Variants in UQCC1 observed in about 807,000 individuals in gnomAD.
The protein encoded by UQCC1 is ubiquinol-cytochrome c reductase complex assembly factor 1.
UQCC1 carries 38 observed loss-of-function variants against 48.0 expected under a neutral mutation model. The observed-to-expected ratio is 0.79, with a 90% CI of 0.61 to 1.04. The LOEUF (loss-of-function observed/expected upper bound fraction) is 1.04, where lower values mean the gene tolerates loss of function less well. Ranked by LOEUF, UQCC1 falls within the 50% of genes least tolerant of loss-of-function variation. The pLI, the probability that UQCC1 is intolerant of heterozygous loss-of-function variation, is 0.00. For synonymous variants in UQCC1, 111 were observed against 129.2 expected (o/e 0.86, Z 0.95); for missense variants, 368 against 381.8 (o/e 0.96, Z 0.30).
chr20:35,337,516 C>A (rs537288040), intron 7 of UQCC1, among the ~76,000 whole-genome samples: 1 of 152,102 alleles, frequency 6.6e-6, no homozygotes, highest in South Asian at 2.1e-4. Context: ...AGTTCCCAAG[C>A]GATGCTGAGG....
At chr20:35,330,774 G>C (rs754875538) in intron 7 of UQCC1, among the ~76,000 whole-genome samples, 66 of 152,108 alleles carry the variant, frequency 4.3e-4, no homozygotes, top group Non-Finnish European at 7.6e-4. Context: ...TTCTACCCTG[G>C]GCTGGAAAAT....
chr20:35,399,813 A>AG (rs1262975792), intron 1 of UQCC1, among the ~76,000 whole-genome samples: 4 of 146,640 alleles, frequency 2.7e-5, no homozygotes, highest in Non-Finnish European at 4.5e-5. Context: ...AGCCAAAATC[A>AG]GGCCACTGCA....
chr20:35,394,745 C>T (rs1225937144), intron 1 of UQCC1, among the ~76,000 whole-genome samples: 1 of 152,198 alleles, frequency 6.6e-6, no homozygotes, highest in Non-Finnish European at 1.5e-5. Context: ...CAGACACCAA[C>T]TGGGTGTCCT....
chr20:35,400,105 C>T lies in UQCC1; in HGVS notation c.25-5909G>A, dbSNP rs1205704604. 5.9e-5 allele frequency among the ~76,000 whole-genome samples: 9 copies of T among 151,670 alleles called. No individual in the cohort carries two copies. The East Asian group carries it at 1.4e-3, about 23-fold the overall frequency. ...CACGCCCAGCTAATTTTTGTATTTT[C>T]GGTAGAGGCGGGGTTTCACCATGTT... On this transcript the variant is annotated intron_variant, in intron 1 of 9. Transcript: ENST00000374385.
Position 35,324,465 on chromosome 20 carries a change from T to C in UQCC1, c.574-9700A>G, listed in dbSNP as rs1020924810. Among the ~76,000 whole-genome samples, 166 of 152,342 alleles carry C rather than the reference T, an allele frequency of 1.1e-3. 1 individual carries two copies. Among genetic ancestry groups the C allele is most frequent in the African/African-American group, 3.9e-3 (162 of 41,586 alleles). ...CCTCAGCCTCCAGAGTAGCTGGGAC[T>C]ACAGGTGCCCACCACCACGCCCAGC... is the stretch of plus-strand genomic sequence containing the variant. On this transcript the variant is annotated intron_variant, in intron 7 of 9. Transcript: ENST00000374385.
chr20:35,370,947 T>G (rs1161156411), intron 5 of UQCC1, among the ~76,000 whole-genome samples: 1 of 152,190 alleles, frequency 6.6e-6, no homozygotes, highest in Non-Finnish European at 1.5e-5. Flanking sequence ...TTAGCCCCTT[T>G]GAGCCTCAAC....
chr20:35,357,764 T>A (rs2061562910), intron 6 of UQCC1, among the ~76,000 whole-genome samples: 1 of 151,636 alleles, frequency 6.6e-6, no homozygotes, highest in Non-Finnish European at 1.5e-5. Flanking sequence ...TTGAAGATCC[T>A]GCTACCCACT....
In UQCC1 at chr20:35,392,171, A is replaced by G; in HGVS notation, c.129+1921T>C. ...ACGCAGCTCACACATCCCATTATGC[A>G]CAATTCTAATTAACAAAACTCTTTC... On this transcript the variant is annotated intron_variant, in intron 2 of 9. Transcript: ENST00000374385. 3 of 1,179,878 alleles carry G rather than the reference A, an allele frequency of 2.5e-6. No homozygotes were observed. The Admixed American group carries it at 6.9e-5, about 27-fold the overall frequency. The allele number at this position is 1,179,878 out of a possible 1,614,324, so 73.1% of individuals were successfully genotyped here. A position where few individuals can be genotyped will look rare whatever the true frequency, so the allele number is the denominator to read the frequency against.
At chr20:35,323,824 C>G in intron 7 of UQCC1, among the ~76,000 whole-genome samples, 1 of 152,236 alleles carries the variant, frequency 6.6e-6, no homozygotes, top group Non-Finnish European at 1.5e-5. Flanking sequence ...TACTCTTTCC[C>G]ATTTCCACGA....
At chr20:35,315,319 C>T (rs2061045313) in intron 7 of UQCC1, 1 of 152,522 alleles carries the variant, frequency 6.6e-6, no homozygotes, top group Non-Finnish European at 1.5e-5. Flanking sequence ...GGTGCAGAGG[C>T]TGGAAAGAAA....
intron 1 of UQCC1, among the ~76,000 whole-genome samples, chr20:35,397,462 G>A (rs1217267672): frequency 1.4e-5 from 2 of 146,052 alleles, no homozygotes; most frequent in East Asian, 4.0e-4. Context: ...CTGGCAGTGA[G>A]CCAAGATCAC....
At chr20:35,379,219 C>T (rs1178099450) in intron 4 of UQCC1, among the ~76,000 whole-genome samples, 2 of 152,130 alleles carry the variant, frequency 1.3e-5, no homozygotes, top group Non-Finnish European at 2.9e-5. Flanking sequence ...AGATCCTAAA[C>T]ATGATTATCA....
intron 9 of UQCC1, chr20:35,304,696 T>C (rs1261394534): frequency 1.3e-5 from 2 of 152,872 alleles, no homozygotes; most frequent in East Asian, 3.8e-4. Flanking sequence ...GTATCACCTC[T>C]CTAGGACAGT....
chr20:35,325,629 C>T (rs1164197785), intron 7 of UQCC1, among the ~76,000 whole-genome samples: 2 of 152,182 alleles, frequency 1.3e-5, no homozygotes, highest in Non-Finnish European at 2.9e-5. Context: ...CAATAAAACA[C>T]AGTACTTGTC....
chr20:35,321,290 G>GCA (rs2061125661), intron 7 of UQCC1, among the ~76,000 whole-genome samples: 1 of 150,546 alleles, frequency 6.6e-6, no homozygotes, highest in African/African-American at 2.5e-5. Flanking sequence ...GTGTGCGCGC[G>GCA]CGCGCGCGCA....
chr20:35,303,140 C>G lies in UQCC1; in HGVS notation c.*795G>C, dbSNP rs1403034094. 1 of 152,216 alleles carries G rather than the reference C, an allele frequency of 6.6e-6. No individual in the cohort carries two copies. The highest frequency in any genetic ancestry group is 2.4e-5 in the African/African-American group (1 of 41,436). 9.4% of individuals were successfully genotyped at this position (152,216 alleles called of 1,614,324 possible). ...TATCTCATGAAAGGGGAGGCCAAGA[C>G]AGGAGACAGCATGTTCCTCATTCAG... On this transcript the variant is annotated 3_prime_UTR_variant, in exon 10 of 10. Transcript: ENST00000374385.
At chr20:35,381,792 G>C in intron 4 of UQCC1, 126 bp downstream of exon 4, 3 of 671,588 alleles carry the variant, frequency 4.5e-6, no homozygotes, top group Non-Finnish European at 2.6e-6. Context: ...GTCGCAGCTA[G>C]ATCGTCCTCA....
chr20:35,366,709 C>G, intron 5 of UQCC1, 95 bp from the exon 6 acceptor site: 7 of 1,069,302 alleles, frequency 6.5e-6, no homozygotes, highest in South Asian at 4.2e-5. Flanking sequence ...TTATGGTGCT[C>G]TCTGATTATG....
intron 4 of UQCC1, among the ~76,000 whole-genome samples, chr20:35,375,724 G>A (rs1451563971): frequency 6.6e-6 from 1 of 151,956 alleles, no homozygotes; most frequent in African/African-American, 2.4e-5. Flanking sequence ...GCTGAGACAG[G>A]CAGATCGGCT....
Sources: gnomAD v4.1 joint callset for allele counts (sites outside exome capture counted in the v4.1 genomes callset) on GRCh38, gnomAD v4.1.1 for gene constraint, MANE v1.5 for transcripts, NCBI Gene and HGNC (gene_info 2026-07-23, HGNC 2026-07-21) for gene names.